JAK1: variants seen among roughly 807,000 people sequenced by gnomAD.
JAK1 encodes tyrosine-protein kinase JAK1.
JAK1 carries 16 observed loss-of-function variants against 136.6 expected under a neutral mutation model. The observed-to-expected ratio is 0.12, with a 90% CI of 0.08 to 0.18. The LOEUF is 0.18. JAK1 is among the 10% of genes least tolerant of loss of function. The pLI, the probability that JAK1 is intolerant of heterozygous loss-of-function variation, is 1.00. For missense variants in JAK1, 859 were observed against 1,450.1 expected (o/e 0.59, Z 6.62); for synonymous variants, 492 against 519.5 (o/e 0.95, Z 0.72).
chr1:64,939,025 G>C (rs1027367126), intron 1 of JAK1, among the ~76,000 whole-genome samples: 8 of 152,098 alleles, frequency 5.3e-5, no homozygotes, highest in Non-Finnish European at 1.5e-5. Flanking sequence ...GTCCAGGCTG[G>C]AGTGCAATGG....
At chr1:64,895,719 T>A (rs1645004105) in intron 1 of JAK1, among the ~76,000 whole-genome samples, 1 of 152,212 alleles carries the variant, frequency 6.6e-6, no homozygotes, top group South Asian at 2.1e-4. Context: ...CCTACAGCCA[T>A]ATAATGGTAC....
chr1:65,065,964 T>G (rs929275214), intron 1 of JAK1, among the ~76,000 whole-genome samples: 1 of 150,776 alleles, frequency 6.6e-6, no homozygotes, highest in Non-Finnish European at 1.5e-5. Flanking sequence ...CCAAAACATC[T>G]GCAGATCACA....
intron 1 of JAK1, among the ~76,000 whole-genome samples, chr1:65,064,034 G>A (rs1450846852): frequency 2.0e-5 from 3 of 151,952 alleles, no homozygotes; most frequent in East Asian, 3.9e-4. Flanking sequence ...AAAATTAATG[G>A]GCTATTCTAC....
chr1:64,844,156 T>C lies in JAK1; in HGVS notation c.2311A>G (p.Ser771Gly). The C allele has an allele frequency of 6.2e-7, 1 of 1,614,174 alleles. No homozygotes were observed. Among genetic ancestry groups the C allele is most frequent in the South Asian group, 1.1e-5 (1 of 91,080 alleles). ...PECVEDSKNL[S>G]VAADKWSFGT... is the part of the protein sequence containing the mutation. ...AAGCTCCACTTGTCAGCAGCCACACTCAGGTTCTTGGAGTCCTCAACACAC... is the reference window on the plus strand; with the variant it reads ...AAGCTCCACTTGTCAGCAGCCACACCCAGGTTCTTGGAGTCCTCAACACAC... The change falls in exon 17 of 25, where the codon AGT becomes GGT. Residue 771 changes from serine to glycine, a missense_variant. Around this residue, in one of 4 missense-constraint regions of JAK1, gnomAD observed 409 missense variants for 753.8 expected, o/e 0.54. Coordinates refer to ENST00000342505, the MANE Select transcript of JAK1 (RefSeq NM_002227.4). The surrounding 1 kb of genome is among the most constrained non-coding windows in gnomAD (Gnocchi z 5.7).
intron 1 of JAK1, among the ~76,000 whole-genome samples, chr1:64,928,785 A>AAAAAAC (rs1645629784): frequency 8.3e-6 from 1 of 121,004 alleles, no homozygotes; most frequent in Non-Finnish European, 1.5e-5. Context: ...CTGCAAAAAA[A>AAAAAAC]AAAAAAAAAA....
intron 1 of JAK1, among the ~76,000 whole-genome samples, chr1:64,899,739 AG>A (rs1205730301): frequency 6.6e-6 from 1 of 152,228 alleles, no homozygotes; most frequent in African/African-American, 2.4e-5. Context: ...CATTTCAGAT[AG>A]GGGATACTCA....
At chr1:64,998,639 G>A (rs952960186) in intron 2 of JAK1, among the ~76,000 whole-genome samples, 4 of 152,186 alleles carry the variant, frequency 2.6e-5, no homozygotes, top group African/African-American at 9.7e-5. Context: ...TGTGTCATGG[G>A]AGGAACCCAG....
upstream of JAK1, among the ~76,000 whole-genome samples, chr1:64,970,133 T>TTAAAAAA (rs1557735828): frequency 1.8e-3 from 1 of 542 alleles, no homozygotes. Flanking sequence ...AGACCCTGTC[T>TTAAAAAA]CAAAAAAAAA....
chr1:64,886,539 C>T lies in JAK1; in HGVS notation c.-77-198G>A, dbSNP rs41285410. 3.2e-3 allele frequency among the ~76,000 whole-genome samples: 492 copies of T among 152,134 alleles called. 1 individual carries two copies. The highest frequency in any genetic ancestry group is 5.4e-3 in the Non-Finnish European group (365 of 68,002). ...ACAGAGAGACATCTTAGGGTGCAAACATCAAAGAGGATACTAACTTCACCG... is the reference window on the plus strand; with the variant it reads ...ACAGAGAGACATCTTAGGGTGCAAATATCAAAGAGGATACTAACTTCACCG... On this transcript the variant is annotated intron_variant, in intron 1 of 24. Coordinates refer to ENST00000342505, the MANE Select transcript of JAK1 (RefSeq NM_002227.4).
chr1:65,043,043 G>A (rs1647149587), intron 2 of JAK1, among the ~76,000 whole-genome samples: 1 of 152,114 alleles, frequency 6.6e-6, no homozygotes, highest in African/African-American at 2.4e-5. Flanking sequence ...CCTTTCTGCA[G>A]GACAATATGA....
chr1:64,896,211 A>G (rs1018402022), intron 1 of JAK1, among the ~76,000 whole-genome samples: 7 of 152,254 alleles, frequency 4.6e-5, no homozygotes, highest in African/African-American at 1.7e-4. Flanking sequence ...TCCTTGAAGC[A>G]CAGTCCAGAG....
At chr1:65,056,109 T>C (rs1419137081) in intron 1 of JAK1, among the ~76,000 whole-genome samples, 1 of 152,204 alleles carries the variant, frequency 6.6e-6, no homozygotes, top group Non-Finnish European at 1.5e-5. Flanking sequence ...AATCCCTAAC[T>C]TTCCCTTCCT....
intron 2 of JAK1, among the ~76,000 whole-genome samples, chr1:64,988,091 C>T (rs1253890119): frequency 6.6e-6 from 1 of 152,118 alleles, no homozygotes; most frequent in East Asian, 1.9e-4. Flanking sequence ...TGTGTGTTTT[C>T]TCAAGCCGCA....
At chr1:65,024,638 T>G (rs1646962316) in intron 2 of JAK1, among the ~76,000 whole-genome samples, 1 of 129,564 alleles carries the variant, frequency 7.7e-6, no homozygotes, top group Non-Finnish European at 1.6e-5. Flanking sequence ...AGTTGTGGCT[T>G]CAAGAATGGC....
At chr1:64,919,725 C>T (rs1645462935) in intron 1 of JAK1, among the ~76,000 whole-genome samples, 2 of 152,086 alleles carry the variant, frequency 1.3e-5, no homozygotes, top group Admixed American at 6.6e-5. Context: ...CAATTTGTGC[C>T]ATTATTTACT....
At chr1:64,900,166 T>A (rs1645082650) in intron 1 of JAK1, among the ~76,000 whole-genome samples, 1 of 152,176 alleles carries the variant, frequency 6.6e-6, no homozygotes, top group Admixed American at 6.5e-5. Context: ...CCTGCTGCAA[T>A]GGCTCAAGAT....
At chr1:65,028,842 C>G (rs970687498) in intron 2 of JAK1, among the ~76,000 whole-genome samples, 1 of 152,144 alleles carries the variant, frequency 6.6e-6, no homozygotes, top group Non-Finnish European at 1.5e-5. Context: ...TGGCCAATGT[C>G]ACACACAACT....
At chr1:64,879,241 T>C in intron 3 of JAK1, 93 bp from the exon 4 acceptor site, 1 of 1,439,858 alleles carries the variant, frequency 6.9e-7, no homozygotes, top group East Asian at 2.4e-5. Flanking sequence ...TAAGGAACTC[T>C]CTCATCCACA....
chr1:65,003,316 C>G (rs1024361153), intron 2 of JAK1, among the ~76,000 whole-genome samples: 5 of 152,076 alleles, frequency 3.3e-5, no homozygotes, highest in Non-Finnish European at 5.9e-5. Flanking sequence ...GCTGGCCCGC[C>G]AGGTCTAGGT....
Sources: allele counts gnomAD v4.1 joint callset (sites outside exome capture counted in the v4.1 genomes callset), GRCh38; gene constraint gnomAD v4.1.1; regional missense constraint gnomAD v4.1.1; non-coding constraint Gnocchi (gnomAD v3.1); transcripts MANE v1.5; gene names NCBI Gene and HGNC (gene_info 2026-07-23, HGNC 2026-07-21).